DLC1: variants seen among roughly 807,000 people sequenced by gnomAD.
DLC1 encodes DLC1 Rho GTPase activating protein, also known as rho GTPase-activating protein 7.
In DLC1, 54 loss-of-function variants were observed where a neutral mutation model predicts 140.3. That is an observed-to-expected ratio of 0.38 (90% CI 0.31 to 0.48). DLC1 has a LOEUF of 0.48. Ranked by LOEUF, DLC1 falls within the 20% of genes least tolerant of loss-of-function variation. The pLI is 0.96. For synonymous variants in DLC1, 986 were observed against 728.1 expected, an observed-to-expected ratio of 1.35 and a Z score of -5.70; for missense variants, 2,536 against 1,907.0, an observed-to-expected ratio of 1.33 and a Z score of -6.14.
chr8:13,189,568 T>A (rs1826622768), intron 5 of DLC1, among the ~76,000 whole-genome samples: 1 of 151,706 alleles, frequency 6.6e-6, no homozygotes, highest in Non-Finnish European at 1.5e-5. Context: ...CAATTAGGCA[T>A]GTGATTAGCA....
intron 5 of DLC1, chr8:13,276,166 C>G: frequency 6.8e-7 from 1 of 1,466,404 alleles, no homozygotes; most frequent in Non-Finnish European, 9.0e-7. Flanking sequence ...CTGATGAGAT[C>G]ATTCATGAAC....
At chr8:13,230,135 G>A (rs750747887) in intron 5 of DLC1, among the ~76,000 whole-genome samples, 2 of 152,276 alleles carry the variant, frequency 1.3e-5, no homozygotes, top group Non-Finnish European at 2.9e-5. Flanking sequence ...CCAAACAGGC[G>A]AGAAACGGCA....
intron 2 of DLC1, among the ~76,000 whole-genome samples, chr8:13,418,783 G>A (rs1838186724): frequency 6.6e-6 from 1 of 152,040 alleles, no homozygotes; most frequent in Non-Finnish European, 1.5e-5. Context: ...GGATGGCATG[G>A]AATCTATAAA....
chr8:13,508,761 A>G (rs1342595217), intron 1 of DLC1, among the ~76,000 whole-genome samples: 1 of 151,960 alleles, frequency 6.6e-6, no homozygotes, highest in African/African-American at 2.4e-5. Context: ...TTGGATCTCC[A>G]TGTTTTATTT....
intron 5 of DLC1, among the ~76,000 whole-genome samples, chr8:13,187,834 C>G (rs1158623410): frequency 3.3e-5 from 5 of 152,140 alleles, no homozygotes; most frequent in Non-Finnish European, 5.9e-5. Context: ...TGACTGCTCC[C>G]CAGGGATTCC....
At chr8:13,180,976 C>T (rs1585854305) in intron 5 of DLC1, among the ~76,000 whole-genome samples, 1 of 151,788 alleles carries the variant, frequency 6.6e-6, no homozygotes, top group Non-Finnish European at 1.5e-5. Flanking sequence ...ATATAATGTT[C>T]CTTTTTTTTT....
At chr8:13,131,527 G>T (rs1233340590) in intron 5 of DLC1, among the ~76,000 whole-genome samples, 2 of 152,142 alleles carry the variant, frequency 1.3e-5, no homozygotes, top group Non-Finnish European at 2.9e-5. Flanking sequence ...GGTGTAAAAA[G>T]ACTCACTCAA....
intron 5 of DLC1, among the ~76,000 whole-genome samples, chr8:13,228,342 G>A (rs1346215487): frequency 6.7e-6 from 1 of 148,552 alleles, no homozygotes. Flanking sequence ...CTAAATAAAA[G>A]TAAAAGGAGG....
intron 2 of DLC1, among the ~76,000 whole-genome samples, chr8:13,431,028 C>G (rs1406891802): frequency 6.6e-6 from 1 of 152,176 alleles, no homozygotes; most frequent in Non-Finnish European, 1.5e-5. Flanking sequence ...AGTGCTTCTT[C>G]CATGTCAGTC....
chr8:13,219,272 T>C (rs1828417003), intron 5 of DLC1, among the ~76,000 whole-genome samples: 1 of 138,778 alleles, frequency 7.2e-6, no homozygotes, highest in South Asian at 2.2e-4. Flanking sequence ...ACTATATAAT[T>C]ATAATATGAA....
intron 5 of DLC1, among the ~76,000 whole-genome samples, chr8:13,284,764 A>G (rs767435847): frequency 2.6e-5 from 4 of 152,122 alleles, no homozygotes; most frequent in Non-Finnish European, 1.5e-5. Context: ...TCACAGTTAA[A>G]ACAAGAAAAT....
intron 5 of DLC1, among the ~76,000 whole-genome samples, chr8:13,120,737 C>A (rs534863846): frequency 1.3e-5 from 2 of 152,232 alleles, no homozygotes; most frequent in East Asian, 3.9e-4. Flanking sequence ...CAGCTTTAGT[C>A]AAAGTCATTT....
At chr8:13,175,713 T>G (rs1254037336) in intron 5 of DLC1, among the ~76,000 whole-genome samples, 1 of 152,168 alleles carries the variant, frequency 6.6e-6, no homozygotes, top group African/African-American at 2.4e-5. Context: ...TTTTACCAAA[T>G]TTTGCATGTT....
At chr8:13,331,831 G>C (rs1202645083) in intron 4 of DLC1, among the ~76,000 whole-genome samples, 2 of 152,110 alleles carry the variant, frequency 1.3e-5, no homozygotes, top group East Asian at 3.9e-4. Context: ...ATAAAATATT[G>C]ATATTGGCAC....
chr8:13,257,905 A>G (rs1422974224), intron 5 of DLC1, among the ~76,000 whole-genome samples: 1 of 152,224 alleles, frequency 6.6e-6, no homozygotes, highest in Non-Finnish European at 1.5e-5. Context: ...AAAGCAATGA[A>G]AAAGCTGTTT....
chr8:13,287,537 G>A (rs78027969), intron 5 of DLC1, among the ~76,000 whole-genome samples: 3,032 of 152,282 alleles, frequency 0.02, 46 homozygotes, highest in Non-Finnish European at 0.032. Context: ...GTTTTGTGAA[G>A]TTTAAAAATC....
intron 1 of DLC1, among the ~76,000 whole-genome samples, chr8:13,603,995 A>T (rs1273780957): frequency 6.6e-6 from 1 of 152,182 alleles, no homozygotes. Context: ...ATCAAACTCT[A>T]TGAAAAAGCT....
rs1402372370 is a variant in DLC1 at position 13,474,183 on chromosome 8, G to T, written c.1023+24866C>A. ...GTGCAGTCTGGGGATTTGGTGGCCT[G>T]TGTCCCAGCTGCTCCAGCCATGAAT... On this transcript the variant is annotated intron_variant, in intron 2 of 17. Transcript: ENST00000276297. 2.0e-5 allele frequency among the ~76,000 whole-genome samples: 3 copies of T among 152,174 alleles called. No homozygotes were observed. The East Asian group carries it at 5.8e-4, about 29-fold the overall frequency.
At chr8:13,303,671 G>A (rs372760430) in intron 5 of DLC1, among the ~76,000 whole-genome samples, 128 of 152,082 alleles carry the variant, frequency 8.4e-4, no homozygotes, top group East Asian at 2.7e-3. Flanking sequence ...GTGTGGTGGC[G>A]CAGGCATGTA....
Sources: gnomAD v4.1 joint callset for allele counts (sites outside exome capture counted in the v4.1 genomes callset) on GRCh38, gnomAD v4.1.1 for gene constraint, MANE v1.5 for transcripts, NCBI Gene and HGNC (gene_info 2026-07-23, HGNC 2026-07-21) for gene names.